The following GLYR1 variants were observed in gnomAD, a reference collection of about 807,000 sequenced individuals.
GLYR1 encodes cytokine-like nuclear factor N-PAC.
Under a neutral mutation model 72.7 loss-of-function variants are expected in GLYR1, and 21 were observed. That is an observed-to-expected ratio of 0.29 (90% CI 0.20 to 0.42). The LOEUF (loss-of-function observed/expected upper bound fraction) is 0.42. GLYR1 is among the 10% of genes least tolerant of loss of function. GLYR1 has a pLI of 1.00. For synonymous variants in GLYR1, 392 were observed against 270.2 expected, an observed-to-expected ratio of 1.45 and a Z score of -4.42; for missense variants, 594 against 712.1, an observed-to-expected ratio of 0.83 and a Z score of 1.89.
Position 4,832,809 on chromosome 16 carries a change from C to G in GLYR1, c.259G>C (p.Glu87Gln). ...CCTTTGGCTCTCCTGAGGAACTCTT[C>G]GACAGCATCTACCGCTTGCTGGAAT... is the stretch of plus-strand genomic sequence containing the variant. ...KRFQQAVDAV[E>Q]EFLRRAKGKD... Residue 87 changes from glutamate to glutamine, a missense_variant, in exon 4 of 16, where the codon GAA becomes CAA. Physicochemically the swap from Glu to Gln is conservative, Grantham distance 29. Transcript: ENST00000321919. The G allele has an allele frequency of 6.2e-7, 1 of 1,613,250 alleles. No individual in the cohort carries two copies. The highest frequency in any genetic ancestry group is 8.5e-7 in the Non-Finnish European group (1 of 1,179,652).
intron 3 of GLYR1, among the ~76,000 whole-genome samples, chr16:4,840,980 T>C (rs756434130): frequency 4.7e-4 from 71 of 152,366 alleles, no homozygotes; most frequent in Admixed American, 2.9e-3. Flanking sequence ...CTAAGTTAAC[T>C]GCCTACCCAC....
chr16:4,831,825 C>T (rs536596601), intron 5 of GLYR1, among the ~76,000 whole-genome samples, 154 bp downstream of exon 5: 16 of 152,332 alleles, frequency 1.1e-4, no homozygotes, highest in Middle Eastern at 6.8e-3. Flanking sequence ...TGAGCCACCG[C>T]ACCTGCCCTG....
At chr16:4,825,454 T>G (rs1007327067) in intron 5 of GLYR1, among the ~76,000 whole-genome samples, 2 of 152,246 alleles carry the variant, frequency 1.3e-5, no homozygotes, top group African/African-American at 2.4e-5. Flanking sequence ...TTTGGGACTC[T>G]GCTGAAATGT....
chr16:4,831,971 A>T lies in GLYR1; in HGVS notation c.537+8T>A, dbSNP rs777015452. ...ACTAATCCCGGAAGCTGCAGAGAGA[A>T]AACAAACCTTCTCATCCTTTGGGGG... On this transcript the variant is annotated splice_region_variant and intron_variant, in intron 5 of 15. Coordinates refer to ENST00000321919, the MANE Select transcript of GLYR1 (RefSeq NM_032569.4). 5 of 1,611,644 alleles carry T rather than the reference A, an allele frequency of 3.1e-6. No individual in the cohort carries two copies. The Admixed American group carries it at 8.4e-5, about 27-fold the overall frequency.
intron 15 of GLYR1, among the ~76,000 whole-genome samples, chr16:4,810,261 C>A (rs1020552957): frequency 7.8e-6 from 1 of 127,912 alleles, no homozygotes; most frequent in African/African-American, 2.6e-5. Context: ...CTTTGAGAGG[C>A]TGAGGCAGGT....
At chr16:4,832,523 A>G (rs1306272751) in intron 4 of GLYR1, 1 of 576,506 alleles carries the variant, frequency 1.7e-6, no homozygotes, top group African/African-American at 1.9e-5. Flanking sequence ...GGCCTGTGCT[A>G]GACTCAAATG....
intron 5 of GLYR1, among the ~76,000 whole-genome samples, chr16:4,830,523 A>G (rs938445570): frequency 5.9e-5 from 9 of 152,174 alleles, no homozygotes; most frequent in African/African-American, 2.2e-4. Context: ...ACTGCTTCTT[A>G]GGTCCAGTCA....
chr16:4,832,601 G>T, intron 4 of GLYR1, 173 bp downstream of exon 4: 1 of 770,474 alleles, frequency 1.3e-6, no homozygotes. Context: ...AAGGTTAGCT[G>T]CATGGAGTTT....
Position 4,813,725 on chromosome 16 carries a change from G to C in GLYR1, c.1119+12C>G. The C allele has an allele frequency of 1.3e-6, 2 of 1,580,366 alleles. No homozygotes were observed. The highest frequency in any genetic ancestry group is 1.7e-6 in the Non-Finnish European group (2 of 1,161,560). On this transcript the variant is annotated intron_variant, in intron 12 of 15. Coordinates refer to ENST00000321919, the MANE Select transcript of GLYR1 (RefSeq NM_032569.4). The stretch of plus-strand genomic sequence containing the variant: ...AAAGATGCTGGAGAGCCAGCCCAAG[G>C]AAGGCTGCTACCTGGGCCAGCTCAG...
chr16:4,818,526 G>A (rs1199034211), intron 9 of GLYR1, among the ~76,000 whole-genome samples: 2 of 151,986 alleles, frequency 1.3e-5, no homozygotes, highest in Non-Finnish European at 2.9e-5. Flanking sequence ...TAAGGGATCC[G>A]CCCACCTCAG....
intron 5 of GLYR1, among the ~76,000 whole-genome samples, chr16:4,825,675 G>A (rs1357196754): frequency 2.0e-5 from 3 of 150,348 alleles, no homozygotes; most frequent in East Asian, 1.9e-4. Flanking sequence ...TTTTTGAGAC[G>A]GAGTCTTGCT....
Position 4,803,926 on chromosome 16 carries a change from C to T in GLYR1, c.*1310G>A, listed in dbSNP as rs1005512428. 6.6e-6 allele frequency: 1 copy of T among 151,894 alleles called. No homozygotes were observed. Among genetic ancestry groups the T allele is most frequent in the African/African-American group, 2.4e-5 (1 of 41,372 alleles). The allele number at this position is 151,894 out of a possible 1,614,324, so 9.4% of individuals were successfully genotyped here. ...CTTTTTTTTTTGCAACATTCCAAGCCCCCCCCGGTCCCCTATCCAAGGACA... is the reference window on the plus strand; with the variant it reads ...CTTTTTTTTTTGCAACATTCCAAGCTCCCCCCGGTCCCCTATCCAAGGACA... On this transcript the variant is annotated 3_prime_UTR_variant, in exon 16 of 16. Coordinates refer to ENST00000321919, the MANE Select transcript of GLYR1 (RefSeq NM_032569.4).
chr16:4,846,321 C>A lies in GLYR1; in HGVS notation c.39-111G>T, dbSNP rs147454229. 1.5e-4 allele frequency: 191 copies of A among 1,237,856 alleles called. No individual in the cohort carries two copies. The African/African-American group carries it at 1.9e-3, about 12-fold the overall frequency. 76.7% of individuals were successfully genotyped at this position (1,237,856 alleles called of 1,614,324 possible). On this transcript the variant is annotated intron_variant, in intron 1 of 15. Transcript: ENST00000321919. The stretch of plus-strand genomic sequence containing the variant: ...AAATCTCTGCTGGCATCCTCAAATG[C>A]CGAAACAAAAGCTTTCATAGCTGGG...
At chr16:4,842,697 C>T (rs2085652894) in intron 3 of GLYR1, among the ~76,000 whole-genome samples, 1 of 148,336 alleles carries the variant, frequency 6.7e-6, no homozygotes, top group African/African-American at 2.5e-5. Flanking sequence ...TCATTCTGCA[C>T]ATAATCTTTA....
chr16:4,812,078 C>A lies in GLYR1; in HGVS notation c.1282+8G>T, dbSNP rs777545545. 4 of 1,611,544 alleles carry A rather than the reference C, an allele frequency of 2.5e-6. No homozygotes were observed. The highest frequency in any genetic ancestry group is 2.5e-6 in the Non-Finnish European group (3 of 1,178,820). ...AGGCTCCAGGCCTGACAGGTGCAGG[C>A]GTGTTACCTAGGAAGAAGGAGGTCT... On this transcript the variant is annotated splice_region_variant and intron_variant, in intron 13 of 15. Coordinates refer to ENST00000321919, the MANE Select transcript of GLYR1 (RefSeq NM_032569.4).
At position 4,813,810 on chromosome 16, in the gene GLYR1, T is replaced by C; in HGVS notation, c.1046A>G (p.Gln349Arg). ...GTAGCACTTCCCAGGGCGGATCCCT[T>C]GCAGCACACCACTGGGGCCCAGCAC... Reference protein sequence around the residue: ...DLVLGPSGVLQGIRPGKCYVD... With the variant: ...DLVLGPSGVLRGIRPGKCYVD... Residue 349 changes from glutamine to arginine, a missense_variant, in exon 12 of 16, where the codon CAA becomes CGA. Physicochemically the swap from Gln to Arg is conservative, Grantham distance 43. Transcript: ENST00000321919. 1 of 1,613,032 alleles carries C rather than the reference T, an allele frequency of 6.2e-7. No individual in the cohort carries two copies. The highest frequency in any genetic ancestry group is 8.5e-7 in the Non-Finnish European group (1 of 1,179,582).
intron 10 of GLYR1, among the ~76,000 whole-genome samples, chr16:4,816,988 G>C (rs571434039): frequency 6.6e-6 from 1 of 150,850 alleles, no homozygotes; most frequent in South Asian, 2.1e-4. Context: ...TCTGTTGCCA[G>C]GCTGGAGTGC....
intron 5 of GLYR1, among the ~76,000 whole-genome samples, chr16:4,829,824 C>A (rs560094501): frequency 1.3e-5 from 2 of 152,266 alleles, no homozygotes; most frequent in Admixed American, 1.3e-4. Flanking sequence ...AGGAGCGTGC[C>A]ACCACACTCG....
At chr16:4,824,497 T>TC (rs1555500672) in intron 5 of GLYR1, among the ~76,000 whole-genome samples, 16 of 61,906 alleles carry the variant, frequency 2.6e-4, no homozygotes, top group Middle Eastern at 0.011. Context: ...AGACTCCATC[T>TC]CAAAAAAAAA....
Sources: gnomAD v4.1 joint callset for allele counts (sites outside exome capture counted in the v4.1 genomes callset) on GRCh38, gnomAD v4.1.1 for gene constraint, MANE v1.5 for transcripts, NCBI Gene and HGNC (gene_info 2026-07-23, HGNC 2026-07-21) for gene names.